Variants in GRK3 observed in about 807,000 individuals in gnomAD.
GRK3 encodes the protein G protein-coupled receptor kinase 3.
Under a neutral mutation model 95.7 loss-of-function variants are expected in GRK3, and 54 were observed. That is an observed-to-expected ratio of 0.56 (90% CI 0.45 to 0.71). GRK3 has a LOEUF of 0.71. Among genes scored for constraint, GRK3 ranks in the 30% least tolerant of loss-of-function variants. GRK3 has a pLI of 0.00. For missense variants in GRK3, 649 were observed against 851.2 expected, an observed-to-expected ratio of 0.76 and a Z score of 2.96; for synonymous variants, 281 against 290.8, an observed-to-expected ratio of 0.97 and a Z score of 0.34.
intron 3 of GRK3, among the ~76,000 whole-genome samples, chr22:25,655,311 G>A (rs1252227115): frequency 6.6e-6 from 1 of 151,870 alleles, no homozygotes; most frequent in African/African-American, 2.4e-5. Context: ...GAATGTCTAC[G>A]TTGGCCAAAC....
Position 25,674,441 on chromosome 22 carries a change from C to T in GRK3, c.560C>T (p.Thr187Ile), listed in dbSNP as rs2085010121. ...TTTTGTGTTTGGATTTCCCAGTTGA[C>T]CATGAATGAGTTCAGTGTGCATAGG... is the stretch of plus-strand genomic sequence containing the variant. Reference protein sequence around the residue: ...WKNVELNIHLTMNEFSVHRII... With the variant: ...WKNVELNIHLIMNEFSVHRII... The change falls in exon 8 of 21, where the codon ACC (threonine) becomes ATC (isoleucine). Residue 187 changes from threonine (T) to isoleucine (I), a missense_variant. Around this residue, in one of 3 missense-constraint regions of GRK3, gnomAD observed 206 missense variants for 231.4 expected, o/e 0.89. Coordinates refer to ENST00000324198, the MANE Select transcript of GRK3 (RefSeq NM_005160.4). 6.2e-7 allele frequency: 1 copy of T among 1,611,738 alleles called. No homozygotes were observed. Among genetic ancestry groups the T allele is most frequent in the Non-Finnish European group, 8.5e-7 (1 of 1,178,548 alleles).
At chr22:25,686,565 C>T (rs1569195043) in intron 10 of GRK3, among the ~76,000 whole-genome samples, 1 of 152,180 alleles carries the variant, frequency 6.6e-6, no homozygotes, top group Non-Finnish European at 1.5e-5. Context: ...TAAAGTTGGA[C>T]ACACATTCAT....
intron 1 of GRK3, among the ~76,000 whole-genome samples, chr22:25,571,283 A>G (rs41258354): frequency 0.051 from 7,748 of 152,276 alleles, 231 homozygotes; most frequent in Non-Finnish European, 0.075. Context: ...ATCTGATTCC[A>G]CTGGCAGCTT....
intron 11 of GRK3, among the ~76,000 whole-genome samples, chr22:25,689,456 G>A (rs1244816727): frequency 6.6e-6 from 1 of 152,074 alleles, no homozygotes; most frequent in Non-Finnish European, 1.5e-5. Context: ...CTAATAGCAT[G>A]CCATTTATTT....
chr22:25,663,517 C>T (rs1396709681), intron 4 of GRK3, 113 bp from the exon 5 acceptor site: 9 of 612,460 alleles, frequency 1.5e-5, no homozygotes, highest in South Asian at 1.0e-4. Context: ...ATATAATTAC[C>T]GTAGGTTACT....
At chr22:25,679,701 C>G (rs1327188324) in intron 9 of GRK3, among the ~76,000 whole-genome samples, 1 of 152,096 alleles carries the variant, frequency 6.6e-6, no homozygotes, top group Non-Finnish European at 1.5e-5. Context: ...TGGCTGTGAC[C>G]TGGTGTTCAG....
intron 12 of GRK3, among the ~76,000 whole-genome samples, chr22:25,694,056 G>T (rs2085187176): frequency 6.6e-6 from 1 of 152,156 alleles, no homozygotes; most frequent in South Asian, 2.1e-4. Flanking sequence ...CTCCCAAACT[G>T]CTGGGATTAC....
At chr22:25,722,202 G>T in intron 20 of GRK3, 87 bp from the exon 21 acceptor site, 2 of 1,493,596 alleles carry the variant, frequency 1.3e-6, no homozygotes, top group Non-Finnish European at 1.8e-6. Flanking sequence ...AGGGGTTCCA[G>T]GGACGCTGGT....
chr22:25,629,918 T>C (rs1057307389), intron 2 of GRK3, among the ~76,000 whole-genome samples: 7 of 152,214 alleles, frequency 4.6e-5, no homozygotes, highest in Non-Finnish European at 1.0e-4. Flanking sequence ...TGGCACTTAA[T>C]ACAAGACAAG....
intron 1 of GRK3, among the ~76,000 whole-genome samples, chr22:25,597,792 T>C (rs1241223348): frequency 6.6e-6 from 1 of 152,200 alleles, no homozygotes; most frequent in Non-Finnish European, 1.5e-5. Context: ...ATATAACCTA[T>C]GCACGCAGAA....
rs1229074141 is a variant in GRK3, at chr22:25,644,619, T to C, written c.218T>C (p.Leu73Ser). 1.3e-6 allele frequency: 2 copies of C among 1,574,794 alleles called. No homozygotes were observed. The highest frequency in any genetic ancestry group is 1.7e-5 in the Admixed American group (1 of 58,196). ...TTCTTGCTATTTAAAGATTTTTGTT[T>C]GAATGAAATTAATGAAGCTGTACCT... The part of the protein sequence containing the change: ...IGFLLFKDFC[L>S]NEINEAVPQV... The change falls in exon 3 of 21, where the codon TTG becomes TCG. Residue 73 changes from leucine to serine, a missense_variant. Coordinates refer to ENST00000324198, the MANE Select transcript of GRK3 (RefSeq NM_005160.4).
chr22:25,636,944 T>C (rs1205116313), intron 2 of GRK3, among the ~76,000 whole-genome samples: 2 of 152,162 alleles, frequency 1.3e-5, no homozygotes, highest in African/African-American at 2.4e-5. Flanking sequence ...TATTGCTGGG[T>C]GTGTCTGTGA....
chr22:25,575,314 GGGGTA>G (rs1484481616), intron 1 of GRK3, among the ~76,000 whole-genome samples: 1 of 152,216 alleles, frequency 6.6e-6, no homozygotes, highest in East Asian at 1.9e-4. Context: ...ATGACTAGCT[GGGGTA>G]GCATAGATGA....
chr22:25,691,030 T>C (rs112175896), intron 12 of GRK3, among the ~76,000 whole-genome samples: 3,995 of 152,230 alleles, frequency 0.026, 61 homozygotes, highest in African/African-American at 0.04. Flanking sequence ...AGGACTTCTC[T>C]CTGTACTCGG....
intron 1 of GRK3, among the ~76,000 whole-genome samples, chr22:25,569,515 AG>A (rs1386623028): frequency 6.6e-6 from 1 of 152,230 alleles, no homozygotes; most frequent in Non-Finnish European, 1.5e-5. Context: ...ATGGATTCTT[AG>A]AGACAGCCTC....
chr22:25,647,406 G>C (rs527540264), intron 3 of GRK3: 2 of 1,324,884 alleles, frequency 1.5e-6, no homozygotes. Context: ...AAAGGGAACA[G>C]CAGTTAATTT....
intron 2 of GRK3, among the ~76,000 whole-genome samples, chr22:25,618,722 ATTT>A (rs5844650): frequency 1.5e-5 from 2 of 136,198 alleles, no homozygotes; most frequent in Non-Finnish European, 3.2e-5. Context: ...GTACCTCTTC[ATTT>A]TTTTTTTTTT....
chr22:25,624,039 G>A (rs755738332), intron 2 of GRK3, among the ~76,000 whole-genome samples: 4 of 152,128 alleles, frequency 2.6e-5, no homozygotes, highest in Non-Finnish European at 5.9e-5. Flanking sequence ...ATTGCATTCC[G>A]AAGCTTTCCT....
chr22:25,643,441 C>T (rs114806781), intron 2 of GRK3, among the ~76,000 whole-genome samples: 1 of 152,180 alleles, frequency 6.6e-6, no homozygotes, highest in East Asian at 1.9e-4. Context: ...GTTACAAGAT[C>T]CTTATGCTAA....
Sources: allele counts gnomAD v4.1 joint callset (sites outside exome capture counted in the v4.1 genomes callset), GRCh38; gene constraint gnomAD v4.1.1; regional missense constraint gnomAD v4.1.1; transcripts MANE v1.5; gene names NCBI Gene and HGNC (gene_info 2026-07-23, HGNC 2026-07-21).